Variants in SEH1L observed in about 807,000 individuals in gnomAD.
The protein encoded by SEH1L is SEH1 like nucleoporin, also known as nucleoporin SEH1.
In SEH1L, 18 loss-of-function variants were observed where a neutral mutation model predicts 49.5. The observed-to-expected ratio is 0.36, with a 90% CI of 0.25 to 0.54. The LOEUF (loss-of-function observed/expected upper bound fraction) is 0.54. Among genes scored for constraint, SEH1L ranks in the 20% least tolerant of loss-of-function variants. The pLI, the probability that SEH1L is intolerant of heterozygous loss-of-function variation, is 0.87. For synonymous variants in SEH1L, 169 were observed against 178.1 expected (o/e 0.95, Z 0.41); for missense variants, 404 against 528.8 (o/e 0.76, Z 2.31).
At chr18:12,964,748 G>T (rs2031361123) in intron 4 of SEH1L, among the ~76,000 whole-genome samples, 1 of 144,872 alleles carries the variant, frequency 6.9e-6, no homozygotes, top group South Asian at 2.2e-4. Flanking sequence ...CGATTCTCCT[G>T]TGTCAGCCTC....
intron 7 of SEH1L, among the ~76,000 whole-genome samples, chr18:12,983,662 A>T (rs1176029616): frequency 1.3e-5 from 2 of 152,232 alleles, no homozygotes; most frequent in Non-Finnish European, 2.9e-5. Flanking sequence ...TGCATAATTA[A>T]GAAGACAACT....
chr18:12,963,762 G>C (rs1180278497), intron 4 of SEH1L, among the ~76,000 whole-genome samples: 1 of 152,230 alleles, frequency 6.6e-6, no homozygotes, highest in Non-Finnish European at 1.5e-5. Context: ...GCCCAGGCTG[G>C]AGTGCAGTGG....
At chr18:12,980,926 C>T (rs1451669103) in intron 6 of SEH1L, among the ~76,000 whole-genome samples, 3 of 149,154 alleles carry the variant, frequency 2.0e-5, no homozygotes, top group Non-Finnish European at 3.0e-5. Flanking sequence ...GGGGGCTGAC[C>T]CCCACCTCCC....
intron 7 of SEH1L, chr18:12,983,013 A>G (rs1247766243): frequency 6.3e-6 from 1 of 159,152 alleles, no homozygotes; most frequent in Non-Finnish European, 1.4e-5. Flanking sequence ...TTTTTTATCA[A>G]ATAAATTGCT....
chr18:12,960,272 T>A (rs948960902), intron 3 of SEH1L, among the ~76,000 whole-genome samples: 8 of 152,250 alleles, frequency 5.3e-5, no homozygotes, highest in Admixed American at 1.3e-4. Context: ...AGTGAGTGGT[T>A]AACATGCGCA....
chr18:12,963,411 A>G, intron 4 of SEH1L, 40 bp downstream of exon 4: 2 of 1,447,150 alleles, frequency 1.4e-6, no homozygotes, highest in Non-Finnish European at 1.9e-6. Context: ...ATCCTAGTAA[A>G]ATAAACTAGT....
At chr18:12,968,481 T>G (rs1304993347) in intron 4 of SEH1L, among the ~76,000 whole-genome samples, 1 of 152,226 alleles carries the variant, frequency 6.6e-6, no homozygotes, top group East Asian at 1.9e-4. Context: ...GACAATGTTT[T>G]TTGACCAAAT....
chr18:12,979,011 AC>A, intron 6 of SEH1L, 119 bp downstream of exon 6: 2 of 953,564 alleles, frequency 2.1e-6, no homozygotes, highest in South Asian at 3.5e-5. Context: ...TGGAAGTTTT[AC>A]TTAAAAATGT....
chr18:12,963,403 C>G, intron 4 of SEH1L, 32 bp downstream of exon 4: 1 of 1,517,054 alleles, frequency 6.6e-7, no homozygotes, highest in African/African-American at 1.4e-5. Context: ...CTGATAACAT[C>G]CTAGTAAAAT....
chr18:12,983,600 G>A (rs2032356335), intron 7 of SEH1L, among the ~76,000 whole-genome samples: 1 of 152,124 alleles, frequency 6.6e-6, no homozygotes, highest in Admixed American at 6.5e-5. Flanking sequence ...CAAAGGTTTT[G>A]TTACCTACAT....
intron 5 of SEH1L, chr18:12,977,032 C>T (rs569306122): frequency 7.2e-5 from 11 of 151,754 alleles, no homozygotes; most frequent in African/African-American, 2.4e-4. Context: ...GGCTGAGATT[C>T]TGGATTTCCC....
chr18:12,951,742 C>T (rs1598938837), intron 1 of SEH1L, 113 bp from the exon 2 acceptor site: 3 of 670,188 alleles, frequency 4.5e-6, no homozygotes, highest in Non-Finnish European at 7.8e-6. Flanking sequence ...TGATTGTGTT[C>T]TTTTGTTAAC....
At chr18:12,978,176 T>C (rs1156704336) in intron 5 of SEH1L, 1 of 152,338 alleles carries the variant, frequency 6.6e-6, no homozygotes, top group Non-Finnish European at 1.5e-5. Flanking sequence ...GAGCTAAATG[T>C]ACATTATTAA....
In SEH1L at chr18:12,979,524, C is replaced by T. The variant is rs543236709; in HGVS notation, c.761+632C>T. 2.1e-3 allele frequency among the ~76,000 whole-genome samples: 323 copies of T among 152,258 alleles called. 1 individual carries two copies. Among genetic ancestry groups the T allele is most frequent in the Middle Eastern group, 6.8e-3 (2 of 292 alleles). ...TCTCAATCTTTTCCCCACCTTTCCC[C>T]GCTTTCTATTCCACAAAACCACCAT... On this transcript the variant is annotated intron_variant, in intron 6 of 8. Transcript: ENST00000399892.
At chr18:12,948,306 G>C in intron 1 of SEH1L, 74 bp downstream of exon 1, 1 of 1,103,074 alleles carries the variant, frequency 9.1e-7, no homozygotes, top group Non-Finnish European at 1.4e-6. Flanking sequence ...GCGGGGAACG[G>C]GGCTGTGTCT....
chr18:12,962,377 GAA>G (rs540878226), intron 3 of SEH1L, among the ~76,000 whole-genome samples: 3 of 70,916 alleles, frequency 4.2e-5, no homozygotes, highest in East Asian at 4.9e-4. Context: ...CTGTCCCTAA[GAA>G]AAAAAAAAAA....
At chr18:12,954,602 G>T (rs1000980823) in intron 2 of SEH1L, among the ~76,000 whole-genome samples, 1 of 152,042 alleles carries the variant, frequency 6.6e-6, no homozygotes, top group African/African-American at 2.4e-5. Context: ...AAGCAGCTGG[G>T]ACCGTAAGTG....
intron 4 of SEH1L, 97 bp downstream of exon 4, chr18:12,963,468 C>T: frequency 1.7e-5 from 16 of 957,822 alleles, no homozygotes; most frequent in Non-Finnish European, 2.6e-5. Context: ...AAAGGTGCTT[C>T]TTCTCAAGAT....
At chr18:12,955,792 C>T (rs1012519503) in intron 3 of SEH1L, among the ~76,000 whole-genome samples, 183 bp downstream of exon 3, 1 of 152,052 alleles carries the variant, frequency 6.6e-6, no homozygotes, top group African/African-American at 2.4e-5. Flanking sequence ...GGGTCTGAAG[C>T]AATACTTAGG....
Sources: allele counts gnomAD v4.1 joint callset (sites outside exome capture counted in the v4.1 genomes callset), GRCh38; gene constraint gnomAD v4.1.1; transcripts MANE v1.5; gene names NCBI Gene and HGNC (gene_info 2026-07-23, HGNC 2026-07-21).